SSBP2: variants seen among roughly 807,000 people sequenced by gnomAD.
SSBP2 encodes single stranded DNA binding protein 2.
Under a neutral mutation model 61.8 loss-of-function variants are expected in SSBP2, and 17 were observed. The observed-to-expected ratio is 0.28, with a 90% CI of 0.19 to 0.41. SSBP2 has a LOEUF of 0.41. SSBP2 is among the 10% of genes least tolerant of loss of function. The pLI, the probability that SSBP2 is intolerant of heterozygous loss-of-function variation, is 1.00. For synonymous variants in SSBP2, 139 were observed against 141.3 expected (o/e 0.98, Z 0.12); for missense variants, 310 against 458.7 (o/e 0.68, Z 2.96).
At position 81,646,858 on chromosome 5, in the gene SSBP2, A is replaced by G. The variant is rs552116932; in HGVS notation, c.135+3409T>C. Among the ~76,000 whole-genome samples, 3 of 152,118 alleles carry G rather than the reference A, an allele frequency of 2.0e-5. No homozygotes were observed. The South Asian group carries it at 6.2e-4, about 32-fold the overall frequency. On this transcript the variant is annotated intron_variant, in intron 2 of 16. Transcript: ENST00000320672. ...TGGGAAAACCGTTCTAGGAAAAGCT[A>G]CTTCTAAGGTGGAGAGGGGAGGAGA...
chr5:81,719,005 T>C (rs559711440), intron 1 of SSBP2, among the ~76,000 whole-genome samples: 23 of 152,332 alleles, frequency 1.5e-4, no homozygotes, highest in African/African-American at 5.3e-4. Context: ...TTTGTCCATT[T>C]TCCCCCGTTT....
chr5:81,433,018 T>G (rs1217223369), intron 15 of SSBP2, among the ~76,000 whole-genome samples: 49 of 146,034 alleles, frequency 3.4e-4, no homozygotes, highest in Admixed American at 6.1e-4. Flanking sequence ...CAGCCGCCCC[T>G]TCCGGGAGGT....
At chr5:81,656,075 C>A (rs1750182750) in intron 1 of SSBP2, among the ~76,000 whole-genome samples, 1 of 152,084 alleles carries the variant, frequency 6.6e-6, no homozygotes, top group African/African-American at 2.4e-5. Context: ...GAGACGGAGT[C>A]TTGCTCTGTC....
In SSBP2 at chr5:81,693,202, T is replaced by TA. The variant is rs34403567; in HGVS notation, c.63-42864dup. The stretch of plus-strand genomic sequence containing the variant: ...CTGGCGATGGAGCAAGACTTTGTCT[T>TA]AAAAAAAAAAAAAAAAAAAAAGAAA... On this transcript the variant is annotated intron_variant, in intron 1 of 16. Transcript: ENST00000320672. 7.4e-3 allele frequency among the ~76,000 whole-genome samples: 863 copies of TA among 116,104 alleles called. 9 individuals are homozygous for TA. The highest frequency in any genetic ancestry group is 0.026 in the Middle Eastern group (6 of 228). 76.2% of individuals were successfully genotyped at this position (116,104 alleles called of 152,430 possible). A position where few individuals can be genotyped will look rare whatever the true frequency, so the allele number is the denominator to read the frequency against.
intron 6 of SSBP2, among the ~76,000 whole-genome samples, chr5:81,475,121 G>GT (rs1765501160): frequency 1.3e-5 from 2 of 152,114 alleles, no homozygotes. Context: ...AGATATGAAC[G>GT]TAACAGGGTT....
intron 1 of SSBP2, among the ~76,000 whole-genome samples, chr5:81,679,888 A>C (rs907651245): frequency 5.3e-5 from 8 of 152,056 alleles, no homozygotes; most frequent in African/African-American, 1.9e-4. Flanking sequence ...TGAGTAAAAA[A>C]GATTGCCCTC....
At chr5:81,446,360 TA>T (rs1462473182) in intron 12 of SSBP2, among the ~76,000 whole-genome samples, 3 of 152,180 alleles carry the variant, frequency 2.0e-5, no homozygotes, top group African/African-American at 7.2e-5. Flanking sequence ...GTTTAGAAGA[TA>T]AAAAACTTTT....
intron 1 of SSBP2, among the ~76,000 whole-genome samples, chr5:81,690,313 G>T (rs548282998): frequency 8.5e-5 from 13 of 152,196 alleles, no homozygotes; most frequent in African/African-American, 3.1e-4. Flanking sequence ...TAGTGTAGCT[G>T]AGTGGATATA....
intron 5 of SSBP2, among the ~76,000 whole-genome samples, chr5:81,501,051 T>G (rs1331145218): frequency 6.7e-6 from 1 of 148,604 alleles, no homozygotes; most frequent in South Asian, 2.2e-4. Flanking sequence ...CCGTCTCTAG[T>G]AAAAATACAA....
At chr5:81,613,924 CT>C (rs1268416181) in intron 4 of SSBP2, among the ~76,000 whole-genome samples, 4 of 152,158 alleles carry the variant, frequency 2.6e-5, no homozygotes, top group Non-Finnish European at 5.9e-5. Flanking sequence ...TTTTTCTCTA[CT>C]TTTTATTTGC....
chr5:81,663,536 CTATA>C (rs1400791373), intron 1 of SSBP2, among the ~76,000 whole-genome samples: 2 of 152,082 alleles, frequency 1.3e-5, no homozygotes, highest in African/African-American at 4.8e-5. Flanking sequence ...AGAAAATGTA[CTATA>C]TATAATGTGT....
chr5:81,656,240 C>T (rs1467166844), intron 1 of SSBP2, among the ~76,000 whole-genome samples: 2 of 152,000 alleles, frequency 1.3e-5, no homozygotes, highest in Non-Finnish European at 2.9e-5. Context: ...TTATTAGAGA[C>T]AGGGTTTCAC....
At position 81,470,520 on chromosome 5, in the gene SSBP2, T is replaced by A. The variant is rs987498885; in HGVS notation, c.570+3180A>T. On this transcript the variant is annotated intron_variant, in intron 8 of 16. Coordinates refer to ENST00000320672, the MANE Select transcript of SSBP2 (RefSeq NM_012446.5). ...TTAATCACATGTTAACTATATTCTA[T>A]GTGTGCACTTTGCTCAAATCAACAT... 6.6e-5 allele frequency among the ~76,000 whole-genome samples: 10 copies of A among 151,984 alleles called. 1 individual carries two copies. The highest frequency in any genetic ancestry group is 2.2e-4 in the African/African-American group (9 of 41,550).
At position 81,416,897 on chromosome 5, in the gene SSBP2, T is replaced by C. The variant is rs942833637; in HGVS notation, c.*3607A>G. 2.0e-5 allele frequency: 3 copies of C among 152,282 alleles called. No individual in the cohort carries two copies. The highest frequency in any genetic ancestry group is 2.0e-4 in the Admixed American group (3 of 15,284). 9.4% of individuals were successfully genotyped at this position (152,282 alleles called of 1,614,324 possible). A position where few individuals can be genotyped will look rare whatever the true frequency, so the allele number is the denominator to read the frequency against. On this transcript the variant is annotated 3_prime_UTR_variant, in exon 17 of 17. Coordinates refer to ENST00000320672, the MANE Select transcript of SSBP2 (RefSeq NM_012446.5). ...CTATTTTTGAGATGGAGTCTTGCTC[T>C]GTCACCCAGGCTGGAGTGCAGTGGC...
chr5:81,535,707 C>G (rs1770752124), intron 4 of SSBP2, among the ~76,000 whole-genome samples: 1 of 151,696 alleles, frequency 6.6e-6, no homozygotes. Context: ...TATCCACATG[C>G]AAAAAGAGAA....
intron 4 of SSBP2, among the ~76,000 whole-genome samples, chr5:81,594,526 C>T (rs535543372): frequency 4.9e-4 from 74 of 152,338 alleles, no homozygotes; most frequent in African/African-American, 1.7e-3. Context: ...CACCCCAAAT[C>T]AACAGAATAT....
At chr5:81,700,142 G>A (rs927825784) in intron 1 of SSBP2, among the ~76,000 whole-genome samples, 1 of 152,040 alleles carries the variant, frequency 6.6e-6, no homozygotes, top group Non-Finnish European at 1.5e-5. Flanking sequence ...CACTGTGCCT[G>A]GCCATGAAAT....
intron 4 of SSBP2, among the ~76,000 whole-genome samples, chr5:81,564,234 G>C (rs1056895557): frequency 2.6e-5 from 4 of 152,072 alleles, no homozygotes; most frequent in Non-Finnish European, 5.9e-5. Flanking sequence ...TTATTAAAAA[G>C]GCAAAAGTGT....
chr5:81,426,608 G>T (rs573669538), intron 16 of SSBP2, among the ~76,000 whole-genome samples: 8 of 152,310 alleles, frequency 5.3e-5, no homozygotes, highest in Non-Finnish European at 8.8e-5. Context: ...AGAAGAATCT[G>T]TTGTTTGCCA....
Sources: allele counts gnomAD v4.1 joint callset (sites outside exome capture counted in the v4.1 genomes callset), GRCh38; gene constraint gnomAD v4.1.1; transcripts MANE v1.5; gene names NCBI Gene and HGNC (gene_info 2026-07-23, HGNC 2026-07-21).